The following OPCML variants were observed in gnomAD, a reference collection of about 807,000 sequenced individuals.
OPCML encodes opioid-binding protein/cell adhesion molecule.
Under a neutral mutation model 37.8 loss-of-function variants are expected in OPCML, and 13 were observed. That is an observed-to-expected ratio of 0.34 (90% CI 0.22 to 0.55). The LOEUF is 0.55. Ranked by LOEUF, OPCML falls within the 20% of genes least tolerant of loss-of-function variation. The probability of loss-of-function intolerance (pLI) is 0.91; values close to 1 mark genes in which losing one functional copy is unlikely to be tolerated. For synonymous variants in OPCML, 176 were observed against 168.8 expected (o/e 1.04, Z -0.33); for missense variants, 341 against 435.6 (o/e 0.78, Z 1.93).
chr11:132,765,378 C>T (rs568243495), intron 2 of OPCML, among the ~76,000 whole-genome samples: 1 of 152,190 alleles, frequency 6.6e-6, no homozygotes, highest in South Asian at 2.1e-4. Flanking sequence ...GAGAAGTTCT[C>T]CCAGGAACTT....
chr11:132,630,297 C>T (rs1940014159), intron 3 of OPCML, among the ~76,000 whole-genome samples: 1 of 152,160 alleles, frequency 6.6e-6, no homozygotes, highest in African/African-American at 2.4e-5. Context: ...CCGTGGCTCA[C>T]ACCTGTAATC....
At chr11:133,466,403 G>A (rs1297642730) in intron 1 of OPCML, among the ~76,000 whole-genome samples, 4 of 152,216 alleles carry the variant, frequency 2.6e-5, no homozygotes, top group African/African-American at 9.6e-5. Flanking sequence ...TGTTGTTATG[G>A]TGATCTCTTC....
chr11:133,025,772 C>T (rs945243746), intron 1 of OPCML, among the ~76,000 whole-genome samples: 6 of 141,524 alleles, frequency 4.2e-5, no homozygotes, highest in East Asian at 2.1e-4. Context: ...CTCGATCTGT[C>T]GCCCAGGCTG....
At position 133,095,303 on chromosome 11, in the gene OPCML, T is replaced by G. The variant is rs1209228758; in HGVS notation, c.62-152293A>C. On this transcript the variant is annotated intron_variant, in intron 1 of 7. Transcript: ENST00000524381. ...TTTTTTTTTTTTTTTTTTTTTTTTT[T>G]GCAGCTGCACGTGTATTTTTGTTTA... Among the ~76,000 whole-genome samples, 6 of 114,414 alleles carry G rather than the reference T, an allele frequency of 5.2e-5. No individual in the cohort carries two copies. The East Asian group carries it at 1.1e-3, about 21-fold the overall frequency. The allele number at this position is 114,414 out of a possible 152,430, so 75.1% of individuals were successfully genotyped here.
chr11:133,154,694 G>A (rs78955691), intron 1 of OPCML, among the ~76,000 whole-genome samples: 2,985 of 152,232 alleles, frequency 0.02, 93 homozygotes, highest in African/African-American at 0.063. Flanking sequence ...TATGTCATGA[G>A]CAGTTGAGGG....
At position 133,450,595 on chromosome 11, in the gene OPCML, A is replaced by G. The variant is rs138264015; in HGVS notation, c.61+81669T>C. Among the ~76,000 whole-genome samples, 203 of 151,832 alleles carry G rather than the reference A, an allele frequency of 1.3e-3. 6 individuals carry two copies. The highest frequency in any genetic ancestry group is 4.8e-3 in the African/African-American group (196 of 41,094). On this transcript the variant is annotated intron_variant, in intron 1 of 7. Coordinates refer to ENST00000524381, the MANE Select transcript of OPCML (RefSeq NM_001012393.5). ...TAGAAAAACAAAATGGAATTTAAAAAAAAACAAGCGAGTGAGAGAGAGAAA... is the reference window on the plus strand; with the variant it reads ...TAGAAAAACAAAATGGAATTTAAAAGAAAACAAGCGAGTGAGAGAGAGAAA...
At chr11:133,247,486 A>G (rs187682264) in intron 1 of OPCML, among the ~76,000 whole-genome samples, 161 of 152,118 alleles carry the variant, frequency 1.1e-3, no homozygotes, top group African/African-American at 3.6e-3. Context: ...TTTATTGCAA[A>G]TAATGTCTTA....
At chr11:132,529,237 A>T in intron 3 of OPCML, 51 bp from the exon 4 acceptor site, 1 of 1,548,564 alleles carries the variant, frequency 6.5e-7, no homozygotes. Flanking sequence ...CTTTGCACTT[A>T]AAAGGAGGTG....
At chr11:133,501,250 A>C (rs1420604342) in intron 1 of OPCML, among the ~76,000 whole-genome samples, 2 of 152,134 alleles carry the variant, frequency 1.3e-5, no homozygotes, top group Admixed American at 1.3e-4. Flanking sequence ...TGCTCCCTCC[A>C]GGGATGACGT....
chr11:133,005,694 C>G (rs1947096771), intron 1 of OPCML: 1 of 976,748 alleles, frequency 1.0e-6, no homozygotes, highest in Non-Finnish European at 1.2e-6. Context: ...TTAAATGCAT[C>G]TAATCCAGAT....
intron 1 of OPCML, among the ~76,000 whole-genome samples, chr11:133,039,974 A>T (rs969352336): frequency 2.0e-5 from 3 of 151,848 alleles, no homozygotes; most frequent in Non-Finnish European, 4.4e-5. Context: ...GGTTGCAGTG[A>T]GCCAAGATCA....
In OPCML at chr11:132,732,197, C is replaced by G. The variant is rs952451215; in HGVS notation, c.147-74878G>C. 1.2e-4 allele frequency among the ~76,000 whole-genome samples: 18 copies of G among 152,096 alleles called. No homozygotes were observed. The South Asian group carries it at 3.7e-3, about 32-fold the overall frequency. On this transcript the variant is annotated intron_variant, in intron 2 of 7. Transcript: ENST00000524381. ...AAAGTTCGAACAAGAATAATAAGGA[C>G]CTAAATTAAGTCACTACTACAGAAG... is the stretch of plus-strand genomic sequence containing the variant.
At chr11:133,393,103 T>C (rs1200173585) in intron 1 of OPCML, among the ~76,000 whole-genome samples, 1 of 151,676 alleles carries the variant, frequency 6.6e-6, no homozygotes, top group Non-Finnish European at 1.5e-5. Flanking sequence ...TACATATAGA[T>C]CTAAGTCCTC....
intron 1 of OPCML, among the ~76,000 whole-genome samples, chr11:132,991,522 A>G (rs1476606654): frequency 6.6e-6 from 1 of 152,220 alleles, no homozygotes; most frequent in Non-Finnish European, 1.5e-5. Context: ...AGCATCAATG[A>G]GCCCAAAGTG....
At chr11:132,788,109 G>A (rs549820781) in intron 2 of OPCML, among the ~76,000 whole-genome samples, 1 of 152,116 alleles carries the variant, frequency 6.6e-6, no homozygotes, top group Non-Finnish European at 1.5e-5. Context: ...TCGATCTCTT[G>A]ACCTCGTGAG....
chr11:133,464,491 A>T (rs982006861), intron 1 of OPCML, among the ~76,000 whole-genome samples: 10 of 152,194 alleles, frequency 6.6e-5, no homozygotes, highest in Admixed American at 6.5e-4. Flanking sequence ...CCCTCATTGG[A>T]TGTGGAAGGC....
chr11:132,902,404 T>C (rs530516629), intron 2 of OPCML, among the ~76,000 whole-genome samples: 4 of 152,264 alleles, frequency 2.6e-5, no homozygotes, highest in East Asian at 1.9e-4. Context: ...CTCAGCATAG[T>C]GTCTGGCACA....
In OPCML at chr11:133,076,988, C is replaced by T. The variant is rs1348471695; in HGVS notation, c.62-133978G>A. ...TGGTTGGCGGTGGGGCAGGAGGTAGCACCCAGTCTTATTTTGCTGCCCCCC... is the reference window on the plus strand; with the variant it reads ...TGGTTGGCGGTGGGGCAGGAGGTAGTACCCAGTCTTATTTTGCTGCCCCCC... On this transcript the variant is annotated intron_variant, in intron 1 of 7. Transcript: ENST00000524381. Among the ~76,000 whole-genome samples the T allele has an allele frequency of 2.0e-5, 3 of 152,072 alleles. No individual in the cohort carries two copies. The South Asian group carries it at 6.2e-4, about 32-fold the overall frequency.
intron 4 of OPCML, among the ~76,000 whole-genome samples, chr11:132,497,998 C>G (rs2096236749): frequency 6.6e-6 from 1 of 152,196 alleles, no homozygotes; most frequent in South Asian, 2.1e-4. Context: ...GACTCCACCT[C>G]TTTAATCGAA....
Sources: gnomAD v4.1 joint callset for allele counts (sites outside exome capture counted in the v4.1 genomes callset) on GRCh38, gnomAD v4.1.1 for gene constraint, MANE v1.5 for transcripts, NCBI Gene and HGNC (gene_info 2026-07-23, HGNC 2026-07-21) for gene names.